The following BTN3A1 variants were observed in gnomAD, a reference collection of about 807,000 sequenced individuals.
BTN3A1 encodes butyrophilin subfamily 3 member A1.
A neutral mutation model predicts 43.0 loss-of-function variants in BTN3A1; 24 were observed. The ratio of observed to expected loss-of-function variants is 0.56; its 90% confidence interval spans 0.40 to 0.78. BTN3A1 has a LOEUF of 0.78. BTN3A1 is among the 30% of genes least tolerant of loss of function. The pLI is 0.00. For synonymous variants in BTN3A1, 181 were observed against 234.7 expected (o/e 0.77, Z 2.09); for missense variants, 533 against 626.2 (o/e 0.85, Z 1.59).
rs998965883 is a variant in BTN3A1 at position 26,415,034 on chromosome 6, G to C, written c.*1342G>C. 6.6e-6 allele frequency: 1 copy of C among 152,106 alleles called. No individual in the cohort carries two copies. Among genetic ancestry groups the C allele is most frequent in the East Asian group, 1.9e-4 (1 of 5,190 alleles). The allele number at this position is 152,106 out of a possible 1,614,324, so 9.4% of individuals were successfully genotyped here. ...TATGGACTCTGTCTCCAGGAGAGGG[G>C]TCTATCCACCCCTGCTCATTGGTGG... On this transcript the variant is annotated 3_prime_UTR_variant, in exon 10 of 10. Transcript: ENST00000289361.
At chr6:26,408,557 C>G (rs1762098880) in intron 4 of BTN3A1, among the ~76,000 whole-genome samples, 1 of 152,174 alleles carries the variant, frequency 6.6e-6, no homozygotes, top group Non-Finnish European at 1.5e-5. Flanking sequence ...TTAGCACAAC[C>G]TCTGTTGGGG....
intron 8 of BTN3A1, 64 bp from the exon 9 acceptor site, chr6:26,411,491 G>C: frequency 1.9e-6 from 3 of 1,543,174 alleles, no homozygotes; most frequent in Non-Finnish European, 2.7e-6. Flanking sequence ...AGTGAGGGGA[G>C]AGTGCAGTGG....
At position 26,413,778 on chromosome 6, in the gene BTN3A1, T is replaced by A. The variant is rs1239412551; in HGVS notation, c.*86T>A. The A allele has an allele frequency of 6.2e-7, 1 of 1,602,168 alleles. No individual in the cohort carries two copies. The highest frequency in any genetic ancestry group is 8.5e-7 in the Non-Finnish European group (1 of 1,179,744). On this transcript the variant is annotated 3_prime_UTR_variant, in exon 10 of 10. Transcript: ENST00000289361. Reference sequence around the variant, plus strand: ...TAACCCCGGGCTTAGCTAACGAAAGTGGGGAGCCTCAGGCTGAAGTAACTT... The same window carrying A: ...TAACCCCGGGCTTAGCTAACGAAAGAGGGGAGCCTCAGGCTGAAGTAACTT...
chr6:26,403,543 CT>C (rs533593477), intron 1 of BTN3A1, among the ~76,000 whole-genome samples: 7 of 148,590 alleles, frequency 4.7e-5, no homozygotes, highest in African/African-American at 7.4e-5. Flanking sequence ...AAGCACACAC[CT>C]TTTTTTTTTC....
chr6:26,411,783 C>A lies in BTN3A1; in HGVS notation c.1018+202C>A, dbSNP rs1032253264. On this transcript the variant is annotated intron_variant, in intron 9 of 9. Coordinates refer to ENST00000289361, the MANE Select transcript of BTN3A1 (RefSeq NM_007048.6). ...CTGCTGAGAGCCCAGGGAACCAGGG[C>A]GAATAGATCTCTTGCACTTCCTCAG... 11 of 601,990 alleles carry A rather than the reference C, an allele frequency of 1.8e-5. No individual in the cohort carries two copies. The South Asian group carries it at 2.3e-4, about 13-fold the overall frequency. 37.3% of individuals were successfully genotyped at this position (601,990 alleles called of 1,614,324 possible). A position where few individuals can be genotyped will look rare whatever the true frequency, so the allele number is the denominator to read the frequency against.
chr6:26,405,704 C>T (rs1373628737), intron 2 of BTN3A1, 56 bp downstream of exon 2: 3 of 1,603,366 alleles, frequency 1.9e-6, no homozygotes, highest in African/African-American at 2.7e-5. Context: ...ATTATGTCCT[C>T]ATAGGACTTT....
In BTN3A1 at chr6:26,405,636, A is replaced by G. The variant is rs1422071872; in HGVS notation, c.73A>G (p.Met25Val). The G allele has an allele frequency of 9.9e-6, 16 of 1,614,012 alleles. No homozygotes were observed. Among genetic ancestry groups the G allele is most frequent in the Non-Finnish European group, 1.4e-5 (16 of 1,180,020 alleles). Residue 25 changes from methionine to valine, a missense_variant, in exon 2 of 10, where the codon ATG becomes GTG. Transcript: ENST00000289361. ...CTGCCTCCTTTTGCTTCAGCTGCTC[A>G]TGCCTCACTCAGGTAGGGAACAATT... is the stretch of plus-strand genomic sequence containing the variant. ...RVCLLLLQLLMPHSAQFSVLG... is the reference protein window; with the variant it reads ...RVCLLLLQLLVPHSAQFSVLG...
chr6:26,407,546 C>A, intron 3 of BTN3A1, 125 bp from the exon 4 acceptor site: 1 of 1,256,742 alleles, frequency 8.0e-7, no homozygotes, highest in Non-Finnish European at 1.1e-6. Context: ...TAGGACCACA[C>A]TTTTGTAAGC....
At position 26,405,651 on chromosome 6, in the gene BTN3A1, A is replaced by G. The variant is rs763016689; in HGVS notation, c.85+3A>G. On this transcript the variant is annotated splice_donor_region_variant and intron_variant, in intron 2 of 9. Transcript: ENST00000289361. ...TCAGCTGCTCATGCCTCACTCAGGT[A>G]GGGAACAATTCCACGCTTGTTTCTG... 1 of 1,614,088 alleles carries G rather than the reference A, an allele frequency of 6.2e-7. No homozygotes were observed.
In BTN3A1 at chr6:26,407,911, C is replaced by T; in HGVS notation, c.674C>T (p.Ser225Phe). Residue 225 changes from serine to phenylalanine, a missense_variant, in exon 4 of 10, where the codon TCC becomes TTC. This residue lies in a region of BTN3A1 where 415 missense variants were observed against 427.0 expected (regional missense o/e 0.97). Transcript: ENST00000289361. ...GGTGTATCCTGTACCATCAGAAGTT[C>T]CCTCCTCGGCCTGGAAAAGACAGCC... ...GEGVSCTIRS[S>F]LLGLEKTASI... 1 of 1,614,178 alleles carries T rather than the reference C, an allele frequency of 6.2e-7. No individual in the cohort carries two copies. Among genetic ancestry groups the T allele is most frequent in the South Asian group, 1.1e-5 (1 of 91,082 alleles).
Position 26,407,743 on chromosome 6 carries a change from C to T in BTN3A1, c.506C>T (p.Thr169Ile). Residue 169 changes from threonine to isoleucine, a missense_variant, in exon 4 of 10, where the codon ACT becomes ATT. Around this residue, in one of 4 missense-constraint regions of BTN3A1, gnomAD observed 415 missense variants for 427.0 expected, o/e 0.97. Coordinates refer to ENST00000289361, the MANE Select transcript of BTN3A1 (RefSeq NM_007048.6). Reference sequence around the variant, plus strand: ...GGGATCCATCTGGAGTGCAGGTCCACTGGCTGGTACCCCCAACCCCAAATA... The same window carrying T: ...GGGATCCATCTGGAGTGCAGGTCCATTGGCTGGTACCCCCAACCCCAAATA... ...DGGIHLECRS[T>I]GWYPQPQIQW... 1 of 1,614,222 alleles carries T rather than the reference C, an allele frequency of 6.2e-7. No individual in the cohort carries two copies. Among genetic ancestry groups the T allele is most frequent in the South Asian group, 1.1e-5 (1 of 91,080 alleles).
In BTN3A1 at chr6:26,414,016, A is replaced by T; in HGVS notation, c.*324A>T. On this transcript the variant is annotated 3_prime_UTR_variant, in exon 10 of 10. Coordinates refer to ENST00000289361, the MANE Select transcript of BTN3A1 (RefSeq NM_007048.6). ...GAAAAGTGAATTGACTACAAAGTAG[A>T]CATGACTAGTTAACAACACAGCTGG... is the stretch of plus-strand genomic sequence containing the variant. 1 of 378,894 alleles carries T rather than the reference A, an allele frequency of 2.6e-6. No homozygotes were observed. The highest frequency in any genetic ancestry group is 2.3e-5 in the South Asian group (1 of 43,078). The allele number at this position is 378,894 out of a possible 1,614,324, so 23.5% of individuals were successfully genotyped here.
rs968753844 is a variant in BTN3A1 at position 26,413,563 on chromosome 6, C to G, written c.1413C>G (p.Ile471Met). 73 of 1,614,042 alleles carry G rather than the reference C, an allele frequency of 4.5e-5. No individual in the cohort carries two copies. The highest frequency in any genetic ancestry group is 6.0e-5 in the Non-Finnish European group (71 of 1,180,044). ...GVFLDYETGD[I>M]SFYNAVDGSH... ...TCCTGGACTATGAGACTGGAGATAT[C>G]TCATTCTACAATGCTGTGGATGGAT... Residue 471 changes from isoleucine (I) to methionine (M), a missense_variant, in exon 10 of 10, where the codon ATC becomes ATG. This residue lies in a region of BTN3A1 where 415 missense variants were observed against 427.0 expected (regional missense o/e 0.97). Coordinates refer to ENST00000289361, the MANE Select transcript of BTN3A1 (RefSeq NM_007048.6).
At chr6:26,412,618 T>A (rs1762257507) in intron 9 of BTN3A1, 1 of 1,547,482 alleles carries the variant, frequency 6.5e-7, no homozygotes, top group African/African-American at 1.4e-5. Flanking sequence ...GATGAGGAGC[T>A]TCCTTCATGG....
Position 26,405,994 on chromosome 6 carries a change from C to G in BTN3A1, c.171C>G (p.Thr57=). The G allele has an allele frequency of 1.2e-6, 2 of 1,611,612 alleles. No homozygotes were observed. Among genetic ancestry groups the G allele is most frequent in the South Asian group, 2.2e-5 (2 of 90,844 alleles). The part of the protein sequence containing the change: ...DADLPCHLFP[T]MSAETMELKW... ...ATCTGCCCTGTCACCTGTTCCCGAC[C>G]ATGAGTGCAGAGACCATGGAGCTGA... is the stretch of plus-strand genomic sequence containing the variant. The change falls in exon 3 of 10, where the codon ACC becomes ACG. Residue 57 remains threonine, a synonymous_variant. Coordinates refer to ENST00000289361, the MANE Select transcript of BTN3A1 (RefSeq NM_007048.6).
rs1561850520 is a variant in BTN3A1 at position 26,413,607 on chromosome 6, T to G, written c.1457T>G (p.Leu486Arg). Residue 486 changes from leucine (L) to arginine (R), a missense_variant, in exon 10 of 10, where the codon CTG becomes CGG. Coordinates refer to ENST00000289361, the MANE Select transcript of BTN3A1 (RefSeq NM_007048.6). ...GATGGATCGCATATTCATACTTTCC[T>G]GGACGTCTCCTTCTCTGAGGCTCTA... Reference protein sequence around the residue: ...AVDGSHIHTFLDVSFSEALYP... With the variant: ...AVDGSHIHTFRDVSFSEALYP... 1 of 1,614,108 alleles carries G rather than the reference T, an allele frequency of 6.2e-7. No individual in the cohort carries two copies. The highest frequency in any genetic ancestry group is 8.5e-7 in the Non-Finnish European group (1 of 1,180,054).
Position 26,413,668 on chromosome 6 carries a change from G to C in BTN3A1, c.1518G>C (p.Thr506=). Residue 506 remains threonine, a synonymous_variant, in exon 10 of 10, where the codon ACG becomes ACC. Transcript: ENST00000289361. The part of the protein sequence containing the change: ...PVFRILTLEP[T]ALTICPA ...TCAGAATTTTGACCTTGGAGCCCAC[G>C]GCCCTGACTATTTGTCCAGCGTGAA... The C allele has an allele frequency of 1.2e-6, 2 of 1,613,246 alleles. No individual in the cohort carries two copies. The highest frequency in any genetic ancestry group is 1.7e-6 in the Non-Finnish European group (2 of 1,179,692).
chr6:26,404,693 A>C (rs751527098), intron 1 of BTN3A1: 6 of 152,204 alleles, frequency 3.9e-5, no homozygotes, highest in Non-Finnish European at 8.8e-5. Flanking sequence ...TCATTCTCAC[A>C]GAGGCTTCTG....
chr6:26,413,261 C>G lies in BTN3A1; in HGVS notation c.1111C>G (p.Leu371Val), dbSNP rs2113811970. ...SVQRAKEPQD[L>V]PDNPERFNWH... The stretch of plus-strand genomic sequence containing the variant: ...GCAGCGTGCCAAGGAGCCCCAGGAT[C>G]TGCCAGACAACCCTGAGAGATTTAA... Residue 371 changes from leucine (L) to valine (V), a missense_variant, in exon 10 of 10, where the codon CTG becomes GTG. By Grantham distance (32) the Leu-to-Val change is conservative. This residue lies in a region of BTN3A1 where 415 missense variants were observed against 427.0 expected (regional missense o/e 0.97). Transcript: ENST00000289361. 2 of 1,614,226 alleles carry G rather than the reference C, an allele frequency of 1.2e-6. No individual in the cohort carries two copies. Among genetic ancestry groups the G allele is most frequent in the East Asian group, 4.5e-5 (2 of 44,890 alleles).
Sources: gnomAD v4.1 joint callset for allele counts (sites outside exome capture counted in the v4.1 genomes callset) on GRCh38, gnomAD v4.1.1 for gene constraint, gnomAD v4.1.1 regional missense constraint, MANE v1.5 for transcripts, NCBI Gene and HGNC (gene_info 2026-07-23, HGNC 2026-07-21) for gene names.